Variants in CTNNA2 observed in about 807,000 individuals in gnomAD.
CTNNA2 encodes catenin alpha 2.
Under a neutral mutation model 101.0 loss-of-function variants are expected in CTNNA2, and 42 were observed. The observed-to-expected ratio is 0.42, with a 90% CI of 0.32 to 0.54. The LOEUF is 0.54. Among genes scored for constraint, CTNNA2 ranks in the 20% least tolerant of loss-of-function variants. The pLI, the probability that CTNNA2 is intolerant of heterozygous loss-of-function variation, is 0.14. For missense variants in CTNNA2, 871 were observed against 1,223.1 expected (o/e 0.71, Z 4.29); for synonymous variants, 450 against 456.4 (o/e 0.99, Z 0.18).
At chr2:79,510,039 A>C (rs1380925246), upstream of CTNNA2, among the ~76,000 whole-genome samples, 2 of 152,234 alleles carry the variant, frequency 1.3e-5, no homozygotes, top group Non-Finnish European at 2.9e-5. Context: ...TAAGCAATAC[A>C]GAAAATTTTA....
chr2:79,719,419 G>C (rs1686330528), intron 2 of CTNNA2, among the ~76,000 whole-genome samples: 1 of 152,098 alleles, frequency 6.6e-6, no homozygotes, highest in African/African-American at 2.4e-5. Context: ...TTTCCTTTCA[G>C]TATATAACCA....
chr2:79,238,884 G>A lies in CTNNA2; in HGVS notation c.-406+40808G>A, dbSNP rs140782468. 3.1e-3 allele frequency among the ~76,000 whole-genome samples: 469 copies of A among 152,244 alleles called. 2 individuals carry two copies. The highest frequency in any genetic ancestry group is 0.01 in the African/African-American group (433 of 41,540). ...TTTTTCACTATGTACACTGCTAATG[G>A]TCAAATAATGTGGGTAGAATTAAGA... On this transcript the variant is annotated intron_variant, in intron 2 of 21. Transcript: ENST00000466387.
Position 79,338,505 on chromosome 2 carries a change from A to G in CTNNA2, c.-318+25709A>G, listed in dbSNP as rs111284828. On this transcript the variant is annotated intron_variant, in intron 3 of 21. Coordinates refer to the CTNNA2 transcript ENST00000466387. ...GATCAGAACAGGTAGTGAAAAAGCCATGTCAGGGACATGAAAATACTTTAA... is the reference window on the plus strand; with the variant it reads ...GATCAGAACAGGTAGTGAAAAAGCCGTGTCAGGGACATGAAAATACTTTAA... Among the ~76,000 whole-genome samples, 1,106 of 152,246 alleles carry G rather than the reference A, an allele frequency of 7.3e-3. 16 individuals are homozygous for G. Among genetic ancestry groups the G allele is most frequent in the African/African-American group, 0.025 (1,050 of 41,534 alleles).
chr2:80,112,189 G>A (rs929445766), intron 7 of CTNNA2, among the ~76,000 whole-genome samples: 7 of 152,200 alleles, frequency 4.6e-5, no homozygotes. Context: ...ACCTGTTATT[G>A]TACTGCCTTG....
chr2:80,643,073 A>T (rs1465682747), intron 18 of CTNNA2, among the ~76,000 whole-genome samples: 1 of 152,150 alleles, frequency 6.6e-6, no homozygotes, highest in Admixed American at 6.6e-5. Context: ...TTTTCTTTTA[A>T]ACATAGTATT....
chr2:79,469,372 T>C (rs1670974219), intron 4 of CTNNA2, among the ~76,000 whole-genome samples: 1 of 152,094 alleles, frequency 6.6e-6, no homozygotes, highest in Admixed American at 6.6e-5. Flanking sequence ...GGCTCTGAAA[T>C]TGAGGCAATA....
chr2:80,596,574 A>T (rs1262319844), intron 15 of CTNNA2, among the ~76,000 whole-genome samples: 1 of 151,812 alleles, frequency 6.6e-6, no homozygotes, highest in Non-Finnish European at 1.5e-5. Flanking sequence ...GGCCTCTCAA[A>T]GTGCTGGGAT....
intron 17 of CTNNA2, among the ~76,000 whole-genome samples, chr2:80,612,552 G>A (rs535299555): frequency 3.3e-5 from 5 of 151,544 alleles, no homozygotes; most frequent in African/African-American, 7.2e-5. Context: ...ACAAATTAGG[G>A]AAAAGAAAAT....
intron 2 of CTNNA2, among the ~76,000 whole-genome samples, chr2:79,700,218 A>C (rs1684912171): frequency 2.0e-5 from 3 of 152,244 alleles, no homozygotes; most frequent in Admixed American, 2.0e-4. Context: ...AATAATCATC[A>C]AAGTATTATA....
chr2:79,233,259 A>C (rs1171402310), intron 2 of CTNNA2, among the ~76,000 whole-genome samples: 1 of 152,154 alleles, frequency 6.6e-6, no homozygotes, highest in Non-Finnish European at 1.5e-5. Flanking sequence ...GTGTGTCTCT[A>C]TATTCATTAA....
intron 7 of CTNNA2, among the ~76,000 whole-genome samples, chr2:80,241,905 A>G (rs750646755): frequency 1.3e-5 from 2 of 152,196 alleles, no homozygotes; most frequent in Non-Finnish European, 2.9e-5. Flanking sequence ...TACCGACTCA[A>G]GACTCCTTTT....
Position 80,332,934 on chromosome 2 carries a change from C to A in CTNNA2, c.1057-60277C>A, listed in dbSNP as rs148939578. Among the ~76,000 whole-genome samples the A allele has an allele frequency of 4.8e-3, 725 of 152,114 alleles. 4 individuals carry two copies. The highest frequency in any genetic ancestry group is 5.9e-3 in the Non-Finnish European group (404 of 68,002). ...ATGTTTTTAAATGGCTGGAAATAAA[C>A]CAAAAGAAGAATAATATTTTGCGAC... On this transcript the variant is annotated intron_variant, in intron 7 of 18. Coordinates refer to ENST00000402739, the MANE Select transcript of CTNNA2 (RefSeq NM_001282597.3).
intron 2 of CTNNA2, among the ~76,000 whole-genome samples, chr2:79,291,933 A>G (rs952665973): frequency 1.3e-5 from 2 of 152,082 alleles, no homozygotes; most frequent in African/African-American, 4.8e-5. Context: ...AGACAGAGTT[A>G]TTAGTAACGG....
At chr2:80,573,038 A>G (rs1694741285) in intron 12 of CTNNA2, 1 of 152,228 alleles carries the variant, frequency 6.6e-6, no homozygotes, top group African/African-American at 2.4e-5. Context: ...AGGGATTAAA[A>G]TGGATATTAA....
intron 7 of CTNNA2, among the ~76,000 whole-genome samples, chr2:80,123,047 C>T (rs1241181607): frequency 3.9e-5 from 6 of 152,172 alleles, no homozygotes. Context: ...CCCACCACCT[C>T]CTTTCCTCTG....
chr2:80,177,512 G>A (rs1430389474), intron 7 of CTNNA2, among the ~76,000 whole-genome samples: 1 of 152,146 alleles, frequency 6.6e-6, no homozygotes, highest in East Asian at 1.9e-4. Context: ...TTGGTGAGTG[G>A]AAGTCCGTGT....
intron 2 of CTNNA2, among the ~76,000 whole-genome samples, chr2:79,259,828 GCA>G (rs1158138652): frequency 2.0e-5 from 3 of 152,130 alleles, no homozygotes; most frequent in Non-Finnish European, 2.9e-5. Context: ...AACAGACTTG[GCA>G]CACTTACCAA....
intron 9 of CTNNA2, among the ~76,000 whole-genome samples, chr2:80,445,945 A>G (rs1008351134): frequency 2.6e-5 from 4 of 152,110 alleles, no homozygotes; most frequent in African/African-American, 9.7e-5. Context: ...CAGCATTTCT[A>G]TGCCTGGGCT....
At chr2:79,657,641 T>C (rs1479342057) in intron 2 of CTNNA2, among the ~76,000 whole-genome samples, 1 of 151,720 alleles carries the variant, frequency 6.6e-6, no homozygotes, top group Non-Finnish European at 1.5e-5. Context: ...AAAAAGACAG[T>C]GATGATTCTA....
Sources: gnomAD v4.1 joint callset for allele counts (sites outside exome capture counted in the v4.1 genomes callset) on GRCh38, gnomAD v4.1.1 for gene constraint, MANE v1.5 for transcripts, NCBI Gene and HGNC (gene_info 2026-07-23, HGNC 2026-07-21) for gene names.